The following TMEM74B variants were observed in gnomAD, a reference collection of about 807,000 sequenced individuals.
TMEM74B encodes the protein transmembrane protein C20orf46.
In TMEM74B, 7 loss-of-function variants were observed where a neutral mutation model predicts 6.5. The ratio of observed to expected loss-of-function variants is 1.07; its 90% CI spans 0.61 to 2.01. The LOEUF is 2.01. Among genes scored for constraint, TMEM74B ranks in the 30% most tolerant of loss-of-function variants. The pLI, the probability that TMEM74B is intolerant of heterozygous loss-of-function variation, is 0.00. For missense variants in TMEM74B, 342 were observed against 337.0 expected (o/e 1.01, Z -0.12); for synonymous variants, 151 against 151.6 (o/e 1.00, Z 0.03).
chr20:1,180,923 C>G lies in TMEM74B; in HGVS notation c.696G>C (p.Gly232=), dbSNP rs199693313. The change falls in exon 3 of 3, where the codon GGG becomes GGC. Residue 232 remains glycine, a synonymous_variant. Transcript: ENST00000429036. This position sits in a 1 kb window ranked among gnomAD's most constrained non-coding sequence, Gnocchi z 6.1. ...SINLRMRQLN[G]DGGQALVENE... ...TCTCCACCAGGGCCTGGCCCCCATC[C>G]CCATTGAGCTGTCTCATGCGCAGGT... 1.6e-5 allele frequency: 26 copies of G among 1,613,668 alleles called. No individual in the cohort carries two copies. The highest frequency in any genetic ancestry group is 2.0e-5 in the Non-Finnish European group (24 of 1,179,772).
Position 1,183,864 on chromosome 20 carries a change from G to GT in TMEM74B, c.-64dup. On this transcript the variant is annotated 5_prime_UTR_variant, in exon 2 of 3. The change creates a premature stop within an existing upstream ORF in the 5' untranslated region. Transcript: ENST00000429036. ...CATAGACTCTTCATTTTATCCAGCT[G>GT]TTTATCAGCAACCGTGAGCACCTTG... is the stretch of plus-strand genomic sequence containing the variant. 1 of 1,599,454 alleles carries GT rather than the reference G, an allele frequency of 6.3e-7. No homozygotes were observed. The highest frequency in any genetic ancestry group is 1.7e-5 in the Admixed American group (1 of 58,962).
upstream of TMEM74B, chr20:1,185,490 G>GGGCTCGCCGAGCGCCGC (rs2087000989): frequency 6.7e-6 from 1 of 149,258 alleles, no homozygotes; most frequent in South Asian, 2.1e-4. Flanking sequence ...GCGGGGGCCG[G>GGGCTCGCCGAGCGCCGC]GGCTCGCCGA....
At chr20:1,185,455 CG>C (rs1373354052), upstream of TMEM74B, 3 of 148,410 alleles carry the variant, frequency 2.0e-5, no homozygotes, top group Non-Finnish European at 3.0e-5. Flanking sequence ...GGGGGGGATC[CG>C]GGGACGGAGG....
chr20:1,188,547 CACAT>C (rs2087045708), upstream of TMEM74B, among the ~76,000 whole-genome samples: 1 of 149,548 alleles, frequency 6.7e-6, no homozygotes, highest in Non-Finnish European at 1.5e-5. Flanking sequence ...ACACACCACA[CACAT>C]ACCACATGCA....
chr20:1,188,139 T>TTA (rs200238040), upstream of TMEM74B, among the ~76,000 whole-genome samples: 10,849 of 146,192 alleles, frequency 0.074, 547 homozygotes, highest in Admixed American at 0.12. Flanking sequence ...ATACAGAAAG[T>TTA]TATATATATA....
intron 2 of TMEM74B, among the ~76,000 whole-genome samples, chr20:1,182,458 AAGG>A (rs1327764741): frequency 1.3e-5 from 2 of 150,766 alleles, no homozygotes; most frequent in Non-Finnish European, 3.0e-5. Flanking sequence ...CTTCAGAAGA[AAGG>A]AGGACTGATG....
chr20:1,184,737 C>G lies in TMEM74B; in HGVS notation c.-583G>C, dbSNP rs2086972540. ...ATACCCCACCCGCCGCGCGCACTGA[C>G]ACCCGGAGAGAGGGACGCACAGCGG... is the stretch of plus-strand genomic sequence containing the variant. On this transcript the variant is annotated 5_prime_UTR_variant, in exon 1 of 3. Transcript: ENST00000429036. This position sits in a 1 kb window ranked among gnomAD's most constrained non-coding sequence, Gnocchi z 6.0. The G allele has an allele frequency of 6.6e-6, 1 of 152,388 alleles. No individual in the cohort carries two copies. The highest frequency in any genetic ancestry group is 1.5e-5 in the Non-Finnish European group (1 of 68,226). The allele number at this position is 152,388 out of a possible 1,614,324, so 9.4% of individuals were successfully genotyped here. A position where few individuals can be genotyped will look rare whatever the true frequency, so the allele number is the denominator to read the frequency against.
intron 2 of TMEM74B, among the ~76,000 whole-genome samples, chr20:1,183,313 TGTTTGTGTG>T (rs2086926335): frequency 6.6e-6 from 1 of 150,910 alleles, no homozygotes; most frequent in Non-Finnish European, 1.5e-5. Flanking sequence ...TGTGTGTGTG[TGTTTGTGTG>T]TGTGTGTGTG....
Position 1,181,528 on chromosome 20 carries a change from G to T in TMEM74B, c.91C>A (p.Leu31Met). 1 of 1,485,980 alleles carries T rather than the reference G, an allele frequency of 6.7e-7. No homozygotes were observed. The highest frequency in any genetic ancestry group is 8.9e-7 in the Non-Finnish European group (1 of 1,121,276). 92.0% of individuals were successfully genotyped at this position (1,485,980 alleles called of 1,614,324 possible). A position where few individuals can be genotyped will look rare whatever the true frequency, so the allele number is the denominator to read the frequency against. The change falls in exon 3 of 3, where the codon CTG (leucine) becomes ATG (methionine). Residue 31 changes from leucine to methionine, a missense_variant. Transcript: ENST00000429036. This position sits in a 1 kb window ranked among gnomAD's most constrained non-coding sequence, Gnocchi z 4.9. ...CCATTGCTCAGTGTCTTCAGTTCCAGACCAGGGGGAGATGCCATTGGGAAG... is the reference window on the plus strand; with the variant it reads ...CCATTGCTCAGTGTCTTCAGTTCCATACCAGGGGGAGATGCCATTGGGAAG... The part of the protein sequence containing the change: ...PSFPMASPPG[L>M]ELKTLSNGPQ...
At chr20:1,188,139 T>TTATA (rs200238040), upstream of TMEM74B, among the ~76,000 whole-genome samples, 14 of 146,278 alleles carry the variant, frequency 9.6e-5, no homozygotes, top group Non-Finnish European at 1.6e-4. Context: ...ATACAGAAAG[T>TTATA]TATATATATA....
intron 2 of TMEM74B, 77 bp downstream of exon 2, chr20:1,183,694 G>T: frequency 6.5e-7 from 1 of 1,540,420 alleles, no homozygotes. Flanking sequence ...ACATGGCCAA[G>T]ATCCCATGGC....
chr20:1,182,959 C>A (rs1348942781), intron 2 of TMEM74B, among the ~76,000 whole-genome samples: 1 of 152,210 alleles, frequency 6.6e-6, no homozygotes, highest in African/African-American at 2.4e-5. Flanking sequence ...ACCTTAGGCC[C>A]CCGTTCCCTT....
In TMEM74B at chr20:1,181,111, C is replaced by T; in HGVS notation, c.508G>A (p.Gly170Ser). Reference sequence around the variant, plus strand: ...ATGATGCACCTGTCCAGGTGGGAGCCTAGGCGGGCGTAGTACATCTCCAGT... The same window carrying T: ...ATGATGCACCTGTCCAGGTGGGAGCTTAGGCGGGCGTAGTACATCTCCAGT... ...ERLEMYYARLGSHLDRCIIAG... is the reference protein window; with the variant it reads ...ERLEMYYARLSSHLDRCIIAG... Residue 170 changes from glycine (G) to serine (S), a missense_variant, in exon 3 of 3, where the codon GGC becomes AGC. By Grantham distance (56) the Gly-to-Ser change is moderately conservative. Coordinates refer to ENST00000429036, the MANE Select transcript of TMEM74B (RefSeq NM_001304748.2). This position sits in a 1 kb window ranked among gnomAD's most constrained non-coding sequence, Gnocchi z 4.9. The T allele has an allele frequency of 6.2e-7, 1 of 1,614,054 alleles. No individual in the cohort carries two copies. Among genetic ancestry groups the T allele is most frequent in the Non-Finnish European group, 8.5e-7 (1 of 1,179,994 alleles).
Position 1,180,701 on chromosome 20 carries a change from T to G in TMEM74B, c.*147A>C. 1 of 1,149,378 alleles carries G rather than the reference T, an allele frequency of 8.7e-7. No individual in the cohort carries two copies. Among genetic ancestry groups the G allele is most frequent in the East Asian group, 2.7e-5 (1 of 36,818 alleles). The allele number at this position is 1,149,378 out of a possible 1,614,324, so 71.2% of individuals were successfully genotyped here. A position where few individuals can be genotyped will look rare whatever the true frequency, so the allele number is the denominator to read the frequency against. On this transcript the variant is annotated 3_prime_UTR_variant, in exon 3 of 3. Transcript: ENST00000429036. This position sits in a 1 kb window ranked among gnomAD's most constrained non-coding sequence, Gnocchi z 6.1. ...GGGGCATGGGCTGGGCCCCGAGCTC[T>G]CCCTCCAGCACCCAGTACTTCTTCC...
rs773243446 is a variant in TMEM74B, at chr20:1,181,501, G to T, written c.118C>A (p.Pro40Thr). The T allele has an allele frequency of 3.3e-5, 49 of 1,507,282 alleles. No individual in the cohort carries two copies. Among genetic ancestry groups the T allele is most frequent in the Non-Finnish European group, 4.2e-5 (47 of 1,130,464 alleles). The allele number at this position is 1,507,282 out of a possible 1,614,324, so 93.4% of individuals were successfully genotyped here. A position where few individuals can be genotyped will look rare whatever the true frequency, so the allele number is the denominator to read the frequency against. The change falls in exon 3 of 3, where the codon CCC (proline) becomes ACC (threonine). Residue 40 changes from proline (P) to threonine (T), a missense_variant. By Grantham distance (38) the Pro-to-Thr change is conservative (BLOSUM62 -1). Coordinates refer to ENST00000429036, the MANE Select transcript of TMEM74B (RefSeq NM_001304748.2). The surrounding 1 kb of genome is among the most constrained non-coding windows in gnomAD (Gnocchi z 4.9). ...GGAGCTGATCTCCTTGGGGCTTGGG[G>T]ACCATTGCTCAGTGTCTTCAGTTCC... is the stretch of plus-strand genomic sequence containing the variant. Reference protein sequence around the residue: ...GLELKTLSNGPQAPRRSAPLG... With the variant: ...GLELKTLSNGTQAPRRSAPLG...
chr20:1,181,645 C>T lies in TMEM74B; in HGVS notation c.32-58G>A, dbSNP rs2086873160. 7.0e-7 allele frequency: 1 copy of T among 1,427,436 alleles called. No homozygotes were observed. Among genetic ancestry groups the T allele is most frequent in the Middle Eastern group, 1.9e-4 (1 of 5,396 alleles). 88.4% of individuals were successfully genotyped at this position (1,427,436 alleles called of 1,614,324 possible). On this transcript the variant is annotated intron_variant, in intron 2 of 2. Coordinates refer to ENST00000429036, the MANE Select transcript of TMEM74B (RefSeq NM_001304748.2). This position sits in a 1 kb window ranked among gnomAD's most constrained non-coding sequence, Gnocchi z 4.9. ...AGCAACCTCTCCCTGTTGTGGAGGA[C>T]ATCATACCAGTCCCTAAGCACATGA...
upstream of TMEM74B, chr20:1,185,034 C>CT (rs2086984485): frequency 6.6e-6 from 1 of 152,222 alleles, no homozygotes; most frequent in African/African-American, 2.4e-5. Context: ...GTCGCATGTC[C>CT]TTCGGCGGGC....
At chr20:1,183,635 T>G in intron 2 of TMEM74B, 136 bp downstream of exon 2, 1 of 1,013,186 alleles carries the variant, frequency 9.9e-7, no homozygotes, top group Non-Finnish European at 1.5e-6. Context: ...GTATCTCATA[T>G]CACCCTCACC....
At chr20:1,183,290 C>CTCTGTGTGTGTGTGTGTGTG (rs1555769547) in intron 2 of TMEM74B, among the ~76,000 whole-genome samples, 12 of 149,214 alleles carry the variant, frequency 8.0e-5, no homozygotes, top group African/African-American at 2.5e-4. Context: ...GGTTCGTTCT[C>CTCTGTGTGTGTGTGTGTGTG]TGTGTGTGTG....
Sources: allele counts gnomAD v4.1 joint callset (sites outside exome capture counted in the v4.1 genomes callset), GRCh38; gene constraint gnomAD v4.1.1; non-coding constraint Gnocchi (gnomAD v3.1); transcripts MANE v1.5; gene names NCBI Gene and HGNC (gene_info 2026-07-23, HGNC 2026-07-21).